The following UBAC2 variants were observed in gnomAD, a reference collection of about 807,000 sequenced individuals.
UBAC2 encodes the protein UBA domain containing 2, also known as ubiquitin-associated domain-containing protein 2.
In UBAC2, 26 loss-of-function variants were observed where a neutral mutation model predicts 44.0. That is an observed-to-expected ratio of 0.59 (90% CI 0.43 to 0.82). The LOEUF (loss-of-function observed/expected upper bound fraction) is 0.82, where lower values mean the gene tolerates loss of function less well. UBAC2 is among the 40% of genes least tolerant of loss of function. UBAC2 has a pLI of 0.00. For synonymous variants in UBAC2, 155 were observed against 154.3 expected (o/e 1.00, Z -0.04); for missense variants, 329 against 419.4 (o/e 0.78, Z 1.88).
intron 8 of UBAC2, among the ~76,000 whole-genome samples, chr13:99,380,281 G>A (rs190975242): frequency 7.2e-5 from 11 of 152,232 alleles, no homozygotes; most frequent in East Asian, 5.8e-4. Context: ...CCTCAATTTC[G>A]TCTTTCTGTA....
intron 8 of UBAC2, chr13:99,377,600 G>A (rs1004540700): frequency 6.6e-6 from 1 of 152,166 alleles, no homozygotes; most frequent in Non-Finnish European, 1.5e-5. Flanking sequence ...CATCAGAGTT[G>A]TGTATTTGCT....
At chr13:99,310,937 T>C (rs2044403970) in intron 4 of UBAC2, among the ~76,000 whole-genome samples, 1 of 152,272 alleles carries the variant, frequency 6.6e-6, no homozygotes, top group Admixed American at 6.5e-5. Context: ...AATAGGGTTC[T>C]ATAATCACCA....
chr13:99,258,742 T>A (rs2043612064), intron 4 of UBAC2, among the ~76,000 whole-genome samples: 1 of 152,204 alleles, frequency 6.6e-6, no homozygotes, highest in Admixed American at 6.5e-5. Context: ...GATAATACTA[T>A]ATCCAGTAGG....
chr13:99,203,503 C>T (rs970969184), intron 1 of UBAC2, among the ~76,000 whole-genome samples: 2 of 152,196 alleles, frequency 1.3e-5, no homozygotes, highest in Admixed American at 6.5e-5. Context: ...ATGTTTCCCA[C>T]GTTTTGTGGT....
At chr13:99,347,563 T>C (rs1329528199) in intron 7 of UBAC2, among the ~76,000 whole-genome samples, 1 of 151,924 alleles carries the variant, frequency 6.6e-6, no homozygotes, top group African/African-American at 2.4e-5. Context: ...TGTGAGAAAG[T>C]CAATATGATC....
At chr13:99,368,189 G>A (rs1326093845) in intron 8 of UBAC2, among the ~76,000 whole-genome samples, 6 of 152,134 alleles carry the variant, frequency 3.9e-5, no homozygotes, top group Non-Finnish European at 7.4e-5. Flanking sequence ...AATGAGATTG[G>A]TTCTCTGTGA....
intron 1 of UBAC2, chr13:99,215,288 GA>G (rs2042978796): frequency 1.4e-6 from 1 of 731,610 alleles, no homozygotes; most frequent in Non-Finnish European, 2.5e-6. Flanking sequence ...GTTTTTCACA[GA>G]AATATAGTCC....
chr13:99,383,608 T>C (rs1431385701), intron 8 of UBAC2, among the ~76,000 whole-genome samples: 1 of 152,248 alleles, frequency 6.6e-6, no homozygotes, highest in Non-Finnish European at 1.5e-5. Context: ...GCAGCCCTTC[T>C]TGGCTTCCTA....
chr13:99,217,487 G>A (rs371014489), intron 1 of UBAC2, among the ~76,000 whole-genome samples: 10 of 152,196 alleles, frequency 6.6e-5, no homozygotes, highest in African/African-American at 2.2e-4. Flanking sequence ...GCCTGGGGAC[G>A]TTCCAGCACC....
chr13:99,352,309 A>G (rs1162102977), intron 7 of UBAC2, among the ~76,000 whole-genome samples: 1 of 152,100 alleles, frequency 6.6e-6, no homozygotes, highest in African/African-American at 2.4e-5. Flanking sequence ...CATCACCCCA[A>G]AAGAAACTGC....
chr13:99,289,781 T>A (rs1055790431), intron 4 of UBAC2, among the ~76,000 whole-genome samples: 1 of 152,206 alleles, frequency 6.6e-6, no homozygotes, highest in African/African-American at 2.4e-5. Context: ...GTGGGAGTTC[T>A]CACTTACTCA....
intron 4 of UBAC2, chr13:99,254,902 C>T (rs773252636): frequency 6.2e-7 from 1 of 1,613,436 alleles, no homozygotes; most frequent in South Asian, 1.1e-5. Context: ...GTTTATATTG[C>T]TTAGTGACCG....
chr13:99,383,317 CT>C (rs1169160001), intron 8 of UBAC2, among the ~76,000 whole-genome samples: 1 of 151,198 alleles, frequency 6.6e-6, no homozygotes, highest in African/African-American at 2.4e-5. Flanking sequence ...CAGTACATAT[CT>C]CTGTTAAATT....
intron 2 of UBAC2, among the ~76,000 whole-genome samples, chr13:99,239,535 G>T (rs1336795118): frequency 3.9e-5 from 6 of 152,224 alleles, no homozygotes; most frequent in Non-Finnish European, 8.8e-5. Context: ...ACCCCTAGGG[G>T]ATTCTAGTGT....
chr13:99,370,249 C>T (rs7325242), intron 8 of UBAC2, among the ~76,000 whole-genome samples: 87,903 of 151,974 alleles, frequency 0.58, 27,102 homozygotes, highest in Non-Finnish European at 0.71. Flanking sequence ...AGGAATAATA[C>T]CTGTGCATGT....
At chr13:99,316,016 T>C (rs2044484052) in intron 5 of UBAC2, among the ~76,000 whole-genome samples, 1 of 151,916 alleles carries the variant, frequency 6.6e-6, no homozygotes, top group Non-Finnish European at 1.5e-5. Flanking sequence ...TCCACAGTGT[T>C]ACACAGCTCA....
chr13:99,204,024 A>G (rs906287437), intron 1 of UBAC2, among the ~76,000 whole-genome samples: 7 of 152,222 alleles, frequency 4.6e-5, no homozygotes, highest in African/African-American at 1.7e-4. Context: ...TTGTAGACCA[A>G]TGCTGTCACT....
chr13:99,213,088 G>A lies in UBAC2; in HGVS notation c.31+12149G>A, dbSNP rs73565907. Among the ~76,000 whole-genome samples, 1,510 of 151,350 alleles carry A rather than the reference G, an allele frequency of 1.0e-2. 29 individuals are homozygous for A. The highest frequency in any genetic ancestry group is 0.035 in the African/African-American group (1,462 of 41,206). On this transcript the variant is annotated intron_variant, in intron 1 of 8. Transcript: ENST00000403766. ...TCTATGCATTCTTTTTTTTTCTGAC[G>A]CATGTATATACATATACATATACCT... is the stretch of plus-strand genomic sequence containing the variant.
intron 4 of UBAC2, among the ~76,000 whole-genome samples, chr13:99,245,931 A>C (rs1048473338): frequency 6.6e-6 from 1 of 152,236 alleles, no homozygotes; most frequent in Admixed American, 6.5e-5. Context: ...ATGACCTCCA[A>C]GCATCTGAAT....
Sources: gnomAD v4.1 joint callset for allele counts (sites outside exome capture counted in the v4.1 genomes callset) on GRCh38, gnomAD v4.1.1 for gene constraint, MANE v1.5 for transcripts, NCBI Gene and HGNC (gene_info 2026-07-23, HGNC 2026-07-21) for gene names.